BMPR1B: variants seen among roughly 807,000 people sequenced by gnomAD.
The protein encoded by BMPR1B is bone morphogenetic protein receptor type-1B.
Under a neutral mutation model 59.1 loss-of-function variants are expected in BMPR1B, and 12 were observed. The ratio of observed to expected loss-of-function variants is 0.20; its 90% CI spans 0.13 to 0.33. The LOEUF (loss-of-function observed/expected upper bound fraction) is 0.33, where lower values mean the gene tolerates loss of function less well. Ranked by LOEUF, BMPR1B falls within the 10% of genes least tolerant of loss-of-function variation. The pLI is 1.00. For missense variants in BMPR1B, 550 were observed against 610.9 expected, an observed-to-expected ratio of 0.90 and a Z score of 1.05; for synonymous variants, 237 against 207.3, an observed-to-expected ratio of 1.14 and a Z score of -1.23.
chr4:95,104,331 T>G (rs1036560836), intron 3 of BMPR1B, 77 bp from the exon 4 acceptor site: 2 of 1,465,072 alleles, frequency 1.4e-6, no homozygotes, highest in Non-Finnish European at 1.9e-6. Context: ...TAAAATGTAA[T>G]CTCATGTTTT....
At chr4:94,795,912 C>T (rs10516954) in intron 1 of BMPR1B, among the ~76,000 whole-genome samples, 47,712 of 151,732 alleles carry the variant, frequency 0.31, 8,092 homozygotes, top group African/African-American at 0.44. Flanking sequence ...GTGGTGATAT[C>T]TGGCATAGAG....
At chr4:94,787,098 C>T (rs1005672897) in intron 1 of BMPR1B, among the ~76,000 whole-genome samples, 1 of 152,118 alleles carries the variant, frequency 6.6e-6, no homozygotes, top group African/African-American at 2.4e-5. Context: ...AATACCAAGC[C>T]CTTGATATGT....
chr4:95,032,905 A>G (rs1328248619), intron 3 of BMPR1B, among the ~76,000 whole-genome samples: 3 of 152,112 alleles, frequency 2.0e-5, no homozygotes, highest in African/African-American at 4.8e-5. Context: ...CTGCCATACT[A>G]TTTCCATAGC....
intron 3 of BMPR1B, among the ~76,000 whole-genome samples, chr4:95,038,208 G>T (rs28448444): frequency 6.6e-5 from 10 of 152,228 alleles, no homozygotes; most frequent in Non-Finnish European, 4.4e-5. Context: ...CTCTGAGCTG[G>T]ATCATGCCTT....
intron 1 of BMPR1B, among the ~76,000 whole-genome samples, chr4:94,791,549 A>G (rs2110603168): frequency 6.6e-6 from 1 of 152,358 alleles, no homozygotes. Flanking sequence ...AAAGATACTT[A>G]TCTAAATTAA....
At chr4:94,875,334 G>A (rs1726678064) in intron 1 of BMPR1B, among the ~76,000 whole-genome samples, 1 of 152,122 alleles carries the variant, frequency 6.6e-6, no homozygotes, top group African/African-American at 2.4e-5. Context: ...AGTTTGAACT[G>A]GTTCACAATA....
chr4:95,114,881 A>G, intron 5 of BMPR1B, 59 bp downstream of exon 5: 1 of 1,482,836 alleles, frequency 6.7e-7, no homozygotes, highest in Non-Finnish European at 9.4e-7. Context: ...ACAAGTTTCA[A>G]GCAAGATAAA....
At chr4:94,768,779 A>G (rs1722067145) in intron 1 of BMPR1B, among the ~76,000 whole-genome samples, 1 of 152,156 alleles carries the variant, frequency 6.6e-6, no homozygotes, top group Non-Finnish European at 1.5e-5. Flanking sequence ...TTATGAAATC[A>G]TTTGATTATG....
chr4:94,792,776 T>C (rs746852921), intron 1 of BMPR1B, among the ~76,000 whole-genome samples: 3 of 152,168 alleles, frequency 2.0e-5, no homozygotes, highest in Non-Finnish European at 4.4e-5. Flanking sequence ...CATAAGAATT[T>C]TGAAGCAGAA....
chr4:94,805,196 A>G (rs929044005), intron 1 of BMPR1B, among the ~76,000 whole-genome samples: 2 of 152,166 alleles, frequency 1.3e-5, no homozygotes, highest in African/African-American at 4.8e-5. Context: ...GAGGCCAGAG[A>G]AGTTAAATAA....
chr4:95,099,308 A>G (rs1730655752), intron 3 of BMPR1B, among the ~76,000 whole-genome samples: 1 of 152,176 alleles, frequency 6.6e-6, no homozygotes, highest in Non-Finnish European at 1.5e-5. Flanking sequence ...ATATGTGACT[A>G]ATTACTTCCT....
At chr4:94,777,426 T>C (rs1438301325) in intron 1 of BMPR1B, among the ~76,000 whole-genome samples, 1 of 152,172 alleles carries the variant, frequency 6.6e-6, no homozygotes, top group African/African-American at 2.4e-5. Flanking sequence ...TTACCTTTGA[T>C]ATATAATTTT....
At chr4:95,029,468 G>A (rs1318838247) in intron 3 of BMPR1B, among the ~76,000 whole-genome samples, 3 of 152,066 alleles carry the variant, frequency 2.0e-5, no homozygotes, top group Non-Finnish European at 4.4e-5. Flanking sequence ...TCGTGTATAT[G>A]TGCCACATTT....
intron 3 of BMPR1B, chr4:95,091,470 AT>A: frequency 1.0e-6 from 1 of 985,314 alleles, no homozygotes; most frequent in East Asian, 1.1e-4. Context: ...TCTGGGCTGC[AT>A]TTCTTAACTG....
At chr4:94,956,436 T>C (rs1221523995) in intron 2 of BMPR1B, among the ~76,000 whole-genome samples, 1 of 152,148 alleles carries the variant, frequency 6.6e-6, no homozygotes, top group Non-Finnish European at 1.5e-5. Context: ...GAGGCTTTTA[T>C]GTTTTGGAAT....
rs70946580 is a variant in BMPR1B at position 95,026,098 on chromosome 4, ATTTCTTTCTTTC to A, written c.-18+30018_-18+30029del. ...TTGGCTGGCTGGATTGCTTTCTTTC[ATTTCTTTCTTTC>A]TTTCTTTCTTTCTTTCTTTCTTTCT... On this transcript the variant is annotated intron_variant, in intron 3 of 12. Coordinates refer to ENST00000515059, the MANE Select transcript of BMPR1B (RefSeq NM_001203.3). Among the ~76,000 whole-genome samples, 194 of 101,704 alleles carry A rather than the reference ATTTCTTTCTTTC, an allele frequency of 1.9e-3. 1 individual carries two copies. The highest frequency in any genetic ancestry group is 2.4e-3 in the Admixed American group (24 of 10,090). 66.7% of individuals were successfully genotyped at this position (101,704 alleles called of 152,430 possible). A position where few individuals can be genotyped will look rare whatever the true frequency, so the allele number is the denominator to read the frequency against.
At chr4:95,055,874 A>G (rs1038890097) in intron 3 of BMPR1B, among the ~76,000 whole-genome samples, 4 of 152,222 alleles carry the variant, frequency 2.6e-5, no homozygotes, top group African/African-American at 9.6e-5. Flanking sequence ...TGGAACAGCA[A>G]AATAACTCAA....
At chr4:95,071,903 C>A (rs1728335761) in intron 3 of BMPR1B, among the ~76,000 whole-genome samples, 1 of 151,608 alleles carries the variant, frequency 6.6e-6, no homozygotes, top group African/African-American at 2.4e-5. Flanking sequence ...AGAAACAGAG[C>A]CAATAAGGTG....
chr4:94,824,564 T>C (rs1724318311), intron 1 of BMPR1B, among the ~76,000 whole-genome samples: 1 of 152,226 alleles, frequency 6.6e-6, no homozygotes, highest in Non-Finnish European at 1.5e-5. Context: ...AAAAAGCTCA[T>C]TTGAATAAAG....
Sources: gnomAD v4.1 joint callset for allele counts (sites outside exome capture counted in the v4.1 genomes callset) on GRCh38, gnomAD v4.1.1 for gene constraint, MANE v1.5 for transcripts, NCBI Gene and HGNC (gene_info 2026-07-23, HGNC 2026-07-21) for gene names.